RUBCN: variants seen among roughly 807,000 people sequenced by gnomAD.
RUBCN encodes the protein rubicon autophagy regulator, also known as run domain Beclin-1-interacting and cysteine-rich domain-containing protein.
Under a neutral mutation model 113.2 loss-of-function variants are expected in RUBCN, and 74 were observed. The ratio of observed to expected loss-of-function variants is 0.65; its 90% confidence interval spans 0.54 to 0.79. The LOEUF is 0.79. Ranked by LOEUF, RUBCN falls within the 30% of genes least tolerant of loss-of-function variation. The pLI is 0.00. For synonymous variants in RUBCN, 480 were observed against 490.0 expected (o/e 0.98, Z 0.27); for missense variants, 1,109 against 1,251.7 (o/e 0.89, Z 1.72).
chr3:197,676,645 G>C, intron 18 of RUBCN: 2 of 1,389,720 alleles, frequency 1.4e-6, no homozygotes, highest in South Asian at 3.0e-5. Context: ...ACTCGGTCTT[G>C]CCCGGAGCTA....
upstream of RUBCN, chr3:197,737,418 C>T (rs1401266933): frequency 6.6e-6 from 1 of 151,110 alleles, no homozygotes; most frequent in Non-Finnish European, 1.5e-5. Context: ...TGGGGGCTCT[C>T]GGAAGATGGA....
At chr3:197,691,454 T>C (rs951335893) in intron 11 of RUBCN, among the ~76,000 whole-genome samples, 1 of 151,892 alleles carries the variant, frequency 6.6e-6, no homozygotes, top group Non-Finnish European at 1.5e-5. Context: ...TGGCATCTAG[T>C]AGGTAGAGGC....
At chr3:197,738,870 A>G (rs935016116), upstream of RUBCN, among the ~76,000 whole-genome samples, 3 of 152,098 alleles carry the variant, frequency 2.0e-5, no homozygotes, top group African/African-American at 7.2e-5. Flanking sequence ...TTGGGATTAC[A>G]GGCATGAGGC....
intron 16 of RUBCN, among the ~76,000 whole-genome samples, chr3:197,678,255 C>A (rs1720698716): frequency 6.6e-6 from 1 of 151,826 alleles, no homozygotes; most frequent in South Asian, 2.1e-4. Flanking sequence ...CTGTCCCACA[C>A]TCTGACTGAC....
intron 1 of RUBCN, chr3:197,748,024 C>A (rs1005063051): frequency 1.3e-5 from 2 of 151,952 alleles, no homozygotes; most frequent in Non-Finnish European, 2.9e-5. Flanking sequence ...CTCCGCCTCC[C>A]GGGTTCAAGC....
At chr3:197,749,707 C>T (rs1360754247), upstream of RUBCN, 3 of 633,124 alleles carry the variant, frequency 4.7e-6, no homozygotes, top group African/African-American at 1.8e-5. Flanking sequence ...CTCACAACGG[C>T]GGTCCTCGCG....
intron 1 of RUBCN, among the ~76,000 whole-genome samples, chr3:197,743,721 C>T (rs1728619825): frequency 1.3e-5 from 2 of 152,212 alleles, no homozygotes; most frequent in African/African-American, 2.4e-5. Flanking sequence ...CGCGGTGGCT[C>T]ACGCCTGTAA....
chr3:197,703,983 A>G (rs923341526), intron 4 of RUBCN, among the ~76,000 whole-genome samples: 3 of 152,206 alleles, frequency 2.0e-5, no homozygotes. Context: ...AGTGACGGGC[A>G]CACAGGAAAC....
intron 1 of RUBCN, among the ~76,000 whole-genome samples, chr3:197,722,184 G>A (rs942006089): frequency 2.6e-5 from 4 of 151,864 alleles, no homozygotes; most frequent in Admixed American, 6.6e-5. Context: ...CAAAGGTGGA[G>A]CTGGGATTGC....
At chr3:197,726,413 A>AT (rs1463417617) in intron 1 of RUBCN, among the ~76,000 whole-genome samples, 2 of 150,782 alleles carry the variant, frequency 1.3e-5, no homozygotes, top group Admixed American at 6.6e-5. Flanking sequence ...TGCCTGGCTA[A>AT]TTTTTTGTAT....
upstream of RUBCN, among the ~76,000 whole-genome samples, chr3:197,740,637 T>C (rs1728488295): frequency 6.6e-6 from 1 of 152,024 alleles, no homozygotes; most frequent in Non-Finnish European, 1.5e-5. Flanking sequence ...TCTTTTTTTT[T>C]TGAGACAGAG....
chr3:197,686,899 G>C (rs901224872), intron 11 of RUBCN, among the ~76,000 whole-genome samples: 5 of 152,012 alleles, frequency 3.3e-5, no homozygotes, highest in South Asian at 4.2e-4. Flanking sequence ...CATAGAATAA[G>C]GCCATTATTA....
intron 1 of RUBCN, among the ~76,000 whole-genome samples, chr3:197,723,857 G>C (rs1726438029): frequency 6.6e-6 from 1 of 152,084 alleles, no homozygotes; most frequent in Non-Finnish European, 1.5e-5. Context: ...CACTTTGAGG[G>C]GCTGAGGCAG....
upstream of RUBCN, chr3:197,737,316 G>C (rs1165801899): frequency 6.6e-6 from 1 of 151,158 alleles, no homozygotes. Flanking sequence ...TCCGCTGGTG[G>C]TGTTTGGAGA....
intron 7 of RUBCN, among the ~76,000 whole-genome samples, chr3:197,697,313 C>T (rs1723125829): frequency 6.6e-6 from 1 of 152,210 alleles, no homozygotes; most frequent in Non-Finnish European, 1.5e-5. Flanking sequence ...AAAATGGATT[C>T]ATGGAATTTG....
At chr3:197,682,857 G>T (rs778375429) in intron 13 of RUBCN, among the ~76,000 whole-genome samples, 1 of 152,122 alleles carries the variant, frequency 6.6e-6, no homozygotes, top group Non-Finnish European at 1.5e-5. Flanking sequence ...ACCAGGAGGC[G>T]CCAAGGTACT....
chr3:197,749,747 G>A (rs887695183), upstream of RUBCN: 16 of 596,218 alleles, frequency 2.7e-5, no homozygotes, highest in Admixed American at 9.0e-5. Context: ...GCAATGCCTC[G>A]TCCGATCCTG....
intron 1 of RUBCN, among the ~76,000 whole-genome samples, chr3:197,722,759 CTGATA>C (rs1429127070): frequency 1.3e-5 from 2 of 152,028 alleles, no homozygotes; most frequent in African/African-American, 2.4e-5. Flanking sequence ...TCTATTTTCT[CTGATA>C]TAAGTATAGC....
chr3:197,696,796 T>A (rs889932260), intron 8 of RUBCN, among the ~76,000 whole-genome samples, 158 bp downstream of exon 8: 1 of 144,496 alleles, frequency 6.9e-6, no homozygotes, highest in African/African-American at 2.8e-5. Context: ...CAGTGTGATT[T>A]CTAGCACGGG....
Sources: allele counts gnomAD v4.1 joint callset (sites outside exome capture counted in the v4.1 genomes callset), GRCh38; gene constraint gnomAD v4.1.1; transcripts MANE v1.5; gene names NCBI Gene and HGNC (gene_info 2026-07-23, HGNC 2026-07-21).